The following PCNX3 variants were observed in gnomAD, a reference collection of about 807,000 sequenced individuals.
PCNX3 encodes pecanex 3, also known as pecanex-like protein 3.
In PCNX3, 58 loss-of-function variants were observed where a neutral mutation model predicts 207.2. That is an observed-to-expected ratio of 0.28 (90% CI 0.23 to 0.35). PCNX3 has a LOEUF of 0.35. Ranked by LOEUF, PCNX3 falls within the 10% of genes least tolerant of loss-of-function variation. The pLI, the probability that PCNX3 is intolerant of heterozygous loss-of-function variation, is 1.00. For missense variants in PCNX3, 2,410 were observed against 2,774.4 expected, an observed-to-expected ratio of 0.87 and a Z score of 2.95; for synonymous variants, 1,337 against 1,183.5, an observed-to-expected ratio of 1.13 and a Z score of -2.66.
At position 65,627,035 on chromosome 11, in the gene PCNX3, A is replaced by G; in HGVS notation, c.3511A>G (p.Lys1171Glu). The G allele has an allele frequency of 2.0e-6, 3 of 1,522,726 alleles. No individual in the cohort carries two copies. Among genetic ancestry groups the G allele is most frequent in the South Asian group, 1.2e-5 (1 of 81,316 alleles). 94.3% of individuals were successfully genotyped at this position (1,522,726 alleles called of 1,614,324 possible). A position where few individuals can be genotyped will look rare whatever the true frequency, so the allele number is the denominator to read the frequency against. Reference sequence around the variant, plus strand: ...CCACACAGTCGTCAGCCACCCGGACAAGTACTGCTTCTAGTGAGGACCACC... The same window carrying G: ...CCACACAGTCGTCAGCCACCCGGACGAGTACTGCTTCTAGTGAGGACCACC... ...DAHTVVSHPD[K>E]YCFYCRALLM... Residue 1171 changes from lysine (K) to glutamate (E), a missense_variant, in exon 21 of 35, where the codon AAG becomes GAG. By Grantham distance (56) the Lys-to-Glu change is moderately conservative. This residue lies in a region of PCNX3 where 333 missense variants were observed against 386.8 expected (regional missense o/e 0.86). Coordinates refer to ENST00000355703, the MANE Select transcript of PCNX3 (RefSeq NM_032223.4).
intron 14 of PCNX3, 35 bp downstream of exon 14, chr11:65,624,401 A>G: frequency 1.9e-6 from 3 of 1,551,246 alleles, no homozygotes; most frequent in Non-Finnish European, 2.6e-6. Flanking sequence ...GGCCCAGGAG[A>G]GTGAGTCCCC....
At chr11:65,617,760 TTGAATC>T in intron 5 of PCNX3, 54 bp downstream of exon 5, 1 of 1,537,650 alleles carries the variant, frequency 6.5e-7, no homozygotes, top group Non-Finnish European at 8.8e-7. Flanking sequence ...TGTTTCGTTG[TTGAATC>T]CCCTCAACTT....
chr11:65,618,557 C>G lies in PCNX3; in HGVS notation c.1195C>G (p.Arg399Gly), dbSNP rs1406173807. 2 of 1,611,538 alleles carry G rather than the reference C, an allele frequency of 1.2e-6. No individual in the cohort carries two copies. The highest frequency in any genetic ancestry group is 1.1e-5 in the South Asian group (1 of 91,032). The change falls in exon 6 of 35, where the codon CGA (arginine) becomes GGA (glycine). Residue 399 changes from arginine to glycine, a missense_variant. Transcript: ENST00000355703. Reference protein sequence around the residue: ...LRPSKRQPPLRRHSPPGRAPR... With the variant: ...LRPSKRQPPLGRHSPPGRAPR... The stretch of plus-strand genomic sequence containing the variant: ...GCCTAGCAAACGGCAGCCACCCCTG[C>G]GAAGACACTCTCCACCTGGCCGTGC...
chr11:65,634,737 C>T (rs949680055), intron 29 of PCNX3, 96 bp downstream of exon 29: 106 of 1,268,406 alleles, frequency 8.4e-5, no homozygotes, highest in Non-Finnish European at 1.2e-4. Flanking sequence ...GCCACAGAAA[C>T]TGCAGTGGCC....
intron 27 of PCNX3, among the ~76,000 whole-genome samples, chr11:65,631,747 G>C (rs894444385): frequency 6.6e-6 from 1 of 151,924 alleles, no homozygotes; most frequent in Admixed American, 6.5e-5. Flanking sequence ...AGGCTCCCAC[G>C]TGCCTTCTTA....
chr11:65,623,791 A>G, intron 12 of PCNX3, 138 bp from the exon 13 acceptor site: 1 of 1,519,632 alleles, frequency 6.6e-7, no homozygotes. Flanking sequence ...TACAAGCAAG[A>G]AAACTGAGGC....
rs753135024 is a variant in PCNX3, at chr11:65,636,544, C to T, written c.5747C>T (p.Pro1916Leu). ...GCATCGCCTATCCCCACAGAGGGTC[C>T]CCGGACCTCACGGCCCCCTGGCCCG... is the stretch of plus-strand genomic sequence containing the variant. ...PPASPIPTEG[P>L]RTSRPPGPGL... is the part of the protein sequence containing the mutation. Residue 1916 changes from proline (P) to leucine (L), a missense_variant, in exon 34 of 35, where the codon CCC (proline) becomes CTC (leucine). This residue lies in a region of PCNX3 where 278 missense variants were observed against 245.1 expected (regional missense o/e 1.13). Coordinates refer to ENST00000355703, the MANE Select transcript of PCNX3 (RefSeq NM_032223.4). 3.7e-5 allele frequency: 59 copies of T among 1,596,026 alleles called. No individual in the cohort carries two copies. The highest frequency in any genetic ancestry group is 2.5e-5 in the Non-Finnish European group (29 of 1,173,046).
Position 65,635,549 on chromosome 11 carries a change from C to A in PCNX3, c.5205C>A (p.Arg1735=), listed in dbSNP as rs978773111. The part of the protein sequence containing the change: ...RVIKVNRECV[R]GLWAGQQQEL... ...CTCAGGTGAACCGGGAGTGCGTGCG[C>A]GGCCTGTGGGCCGGGCAGCAGCAGG... is the stretch of plus-strand genomic sequence containing the variant. Residue 1735 remains arginine, a synonymous_variant, in exon 32 of 35, where the codon CGC becomes CGA. Transcript: ENST00000355703. The surrounding 1 kb of genome is among the most constrained non-coding windows in gnomAD (Gnocchi z 9.9). The A allele has an allele frequency of 2.5e-6, 4 of 1,611,274 alleles. No individual in the cohort carries two copies. The highest frequency in any genetic ancestry group is 3.4e-6 in the Non-Finnish European group (4 of 1,179,606).
chr11:65,620,085 T>G (rs1417315724), intron 8 of PCNX3, among the ~76,000 whole-genome samples, 153 bp downstream of exon 8: 2 of 152,322 alleles, frequency 1.3e-5, no homozygotes, highest in East Asian at 3.9e-4. Context: ...GCACGGTGTC[T>G]CTGTCATCTT....
At position 65,626,968 on chromosome 11, in the gene PCNX3, C is replaced by T. The variant is rs769292775; in HGVS notation, c.3444C>T (p.Leu1148=). 1 of 1,567,046 alleles carries T rather than the reference C, an allele frequency of 6.4e-7. No individual in the cohort carries two copies. The highest frequency in any genetic ancestry group is 1.2e-5 in the South Asian group (1 of 85,142). The change falls in exon 21 of 35, where the codon CTC becomes CTT. Residue 1148 remains leucine (L), a synonymous_variant. Transcript: ENST00000355703. ...GCCTGCAGTGCGTAGAGAAGTACCT[C>T]ATCTACCCCGCCGTGGTGCTCAACG... is the stretch of plus-strand genomic sequence containing the variant. ...YAGLQCVEKY[L]IYPAVVLNAL...
At position 65,627,037 on chromosome 11, in the gene PCNX3, G is replaced by C; in HGVS notation, c.3513G>C (p.Lys1171Asn). The C allele has an allele frequency of 6.6e-7, 1 of 1,519,508 alleles. No individual in the cohort carries two copies. The highest frequency in any genetic ancestry group is 8.8e-7 in the Non-Finnish European group (1 of 1,131,226). 94.1% of individuals were successfully genotyped at this position (1,519,508 alleles called of 1,614,324 possible). Residue 1171 changes from lysine (K) to asparagine (N), a missense_variant, in exon 21 of 35, where the codon AAG becomes AAC. Transcript: ENST00000355703. Reference protein sequence around the residue: ...DAHTVVSHPDKYCFYCRALLM... With the variant: ...DAHTVVSHPDNYCFYCRALLM... ...ACACAGTCGTCAGCCACCCGGACAA[G>C]TACTGCTTCTAGTGAGGACCACCCC...
At chr11:65,630,238 C>T (rs985844530) in intron 26 of PCNX3, 113 bp from the exon 27 acceptor site, 18 of 1,401,708 alleles carry the variant, frequency 1.3e-5, no homozygotes, top group East Asian at 2.5e-5. Context: ...ACTCCCCTGG[C>T]GTCCAAGGGG....
At chr11:65,631,378 C>G (rs1279936890) in intron 27 of PCNX3, among the ~76,000 whole-genome samples, 1 of 152,150 alleles carries the variant, frequency 6.6e-6, no homozygotes, top group Non-Finnish European at 1.5e-5. Context: ...GAGGCTTGGC[C>G]AAGCGTGGTG....
At chr11:65,624,074 C>T in intron 13 of PCNX3, 113 bp downstream of exon 13, 2 of 1,569,934 alleles carry the variant, frequency 1.3e-6, no homozygotes, top group Non-Finnish European at 1.7e-6. Context: ...CCCCCATCAC[C>T]CCCACCTGGC....
rs1190324386 is a variant in PCNX3, at chr11:65,635,377, C to T, written c.5113C>T (p.Leu1705=). The change falls in exon 31 of 35, where the codon CTG becomes TTG. Residue 1705 remains leucine (L), a synonymous_variant. Coordinates refer to ENST00000355703, the MANE Select transcript of PCNX3 (RefSeq NM_032223.4). The surrounding 1 kb of genome is among the most constrained non-coding windows in gnomAD (Gnocchi z 9.9). ...TPSLLALRHV[L]DDASDEYKII... Reference sequence around the variant, plus strand: ...CTCCCTGCTGGCGCTGCGCCATGTCCTGGATGATGCCTCCGACGAGTACAA... The same window carrying T: ...CTCCCTGCTGGCGCTGCGCCATGTCTTGGATGATGCCTCCGACGAGTACAA... The T allele has an allele frequency of 1.9e-6, 3 of 1,612,252 alleles. No homozygotes were observed. The African/African-American group carries it at 4.0e-5, about 22-fold the overall frequency.
Position 65,618,584 on chromosome 11 carries a change from C to T in PCNX3, c.1222C>T (p.Pro408Ser). 6.2e-7 allele frequency: 1 copy of T among 1,612,048 alleles called. No individual in the cohort carries two copies. The highest frequency in any genetic ancestry group is 8.5e-7 in the Non-Finnish European group (1 of 1,179,768). The change falls in exon 6 of 35, where the codon CCT (proline) becomes TCT (serine). Residue 408 changes from proline (P) to serine (S), a missense_variant. Pro to Ser is a moderately conservative substitution (Grantham distance 74, BLOSUM62 -1). Transcript: ENST00000355703. ...LRRHSPPGRAPRRPLLEGGGF... is the reference protein window; with the variant it reads ...LRRHSPPGRASRRPLLEGGGF... ...AAGACACTCTCCACCTGGCCGTGCC[C>T]CTCGACGGCCCCTGCTTGAAGGTGG... is the stretch of plus-strand genomic sequence containing the variant.
At position 65,629,424 on chromosome 11, in the gene PCNX3, CCAG is replaced by C. The variant is rs766460725; in HGVS notation, c.4000+11_4000+13del. ...GCTGGACAGGAACCCTGGTGTGTAC[CCAG>C]CCATCCAAGGGGCTTTAGGGCAGGG... On this transcript the variant is annotated intron_variant, in intron 25 of 34. Transcript: ENST00000355703. 20 of 1,611,722 alleles carry C rather than the reference CCAG, an allele frequency of 1.2e-5. No homozygotes were observed. The highest frequency in any genetic ancestry group is 1.6e-5 in the Non-Finnish European group (19 of 1,178,932).
At chr11:65,636,133 C>T (rs1285229932) in intron 32 of PCNX3, 41 bp from the exon 33 acceptor site, 2 of 1,573,812 alleles carry the variant, frequency 1.3e-6, no homozygotes, top group Non-Finnish European at 1.7e-6. Flanking sequence ...CTGGCCTCAG[C>T]CGTGTCCCTC....
intron 27 of PCNX3, among the ~76,000 whole-genome samples, chr11:65,632,160 G>C (rs1315806313): frequency 6.6e-6 from 1 of 152,172 alleles, no homozygotes; most frequent in Admixed American, 6.5e-5. Flanking sequence ...CTTGTCCCAT[G>C]GGGAAGCTGA....
Sources: allele counts gnomAD v4.1 joint callset (sites outside exome capture counted in the v4.1 genomes callset), GRCh38; gene constraint gnomAD v4.1.1; regional missense constraint gnomAD v4.1.1; non-coding constraint Gnocchi (gnomAD v3.1); transcripts MANE v1.5; gene names NCBI Gene and HGNC (gene_info 2026-07-23, HGNC 2026-07-21).